The following SIPA1L1 variants were observed in gnomAD, a reference collection of about 807,000 sequenced individuals.
SIPA1L1 encodes the protein signal induced proliferation associated 1 like 1, also known as signal-induced proliferation-associated 1-like protein 1.
A neutral mutation model predicts 162.7 loss-of-function variants in SIPA1L1; 26 were observed. The ratio of observed to expected loss-of-function variants is 0.16; its 90% confidence interval spans 0.12 to 0.22. SIPA1L1 has a LOEUF of 0.22. Among genes scored for constraint, SIPA1L1 ranks in the 10% least tolerant of loss-of-function variants. The probability of loss-of-function intolerance (pLI) is 1.00; values close to 1 mark genes in which losing one functional copy is unlikely to be tolerated. For synonymous variants in SIPA1L1, 829 were observed against 837.4 expected (o/e 0.99, Z 0.17); for missense variants, 1,874 against 2,241.0 (o/e 0.84, Z 3.31).
At chr14:71,332,961 A>G (rs1221460836) in intron 2 of SIPA1L1, among the ~76,000 whole-genome samples, 1 of 152,206 alleles carries the variant, frequency 6.6e-6, no homozygotes, top group Non-Finnish European at 1.5e-5. Flanking sequence ...AATTTAGAGT[A>G]TTTGTTTTTA....
At chr14:71,650,745 G>A (rs1278574143) in intron 8 of SIPA1L1, among the ~76,000 whole-genome samples, 1 of 152,128 alleles carries the variant, frequency 6.6e-6, no homozygotes, top group African/African-American at 2.4e-5. Flanking sequence ...ATGGAGTGGG[G>A]CAGTGACACA....
chr14:71,541,812 T>G (rs2054410429), intron 4 of SIPA1L1, among the ~76,000 whole-genome samples: 1 of 152,138 alleles, frequency 6.6e-6, no homozygotes, highest in Non-Finnish European at 1.5e-5. Context: ...GTTGACACAA[T>G]GCATACATCA....
intron 2 of SIPA1L1, among the ~76,000 whole-genome samples, chr14:71,450,713 T>G (rs933098403): frequency 4.6e-5 from 7 of 151,352 alleles, no homozygotes; most frequent in Non-Finnish European, 8.9e-5. Flanking sequence ...TATTAAAACC[T>G]GTTAGAATGG....
chr14:71,372,850 T>G (rs2141038011), intron 2 of SIPA1L1, among the ~76,000 whole-genome samples: 1 of 152,318 alleles, frequency 6.6e-6, no homozygotes, highest in South Asian at 2.1e-4. Flanking sequence ...AGTGAGAAAT[T>G]GCTCCAGAGG....
chr14:71,733,366 C>G (rs1039000866), intron 20 of SIPA1L1, among the ~76,000 whole-genome samples: 1 of 152,132 alleles, frequency 6.6e-6, no homozygotes, highest in African/African-American at 2.4e-5. Context: ...CTGCCTAGGC[C>G]CTGCTGTGGA....
At chr14:71,348,967 G>A (rs865798353) in intron 2 of SIPA1L1, among the ~76,000 whole-genome samples, 1 of 152,202 alleles carries the variant, frequency 6.6e-6, no homozygotes, top group African/African-American at 2.4e-5. Flanking sequence ...GGTGAGAGAA[G>A]CTCTTACAGG....
At chr14:71,550,480 AGT>A (rs1414210873) in intron 4 of SIPA1L1, among the ~76,000 whole-genome samples, 20 of 152,288 alleles carry the variant, frequency 1.3e-4, no homozygotes, top group Middle Eastern at 3.4e-3. Flanking sequence ...AGATCTGGAA[AGT>A]GAGAGTCAAA....
intron 19 of SIPA1L1, among the ~76,000 whole-genome samples, chr14:71,729,041 T>C (rs1300771789): frequency 1.3e-5 from 2 of 152,188 alleles, no homozygotes; most frequent in African/African-American, 2.4e-5. Context: ...TCCCTATTCT[T>C]TCTTTATTTT....
chr14:71,533,335 A>G (rs1459343347), intron 4 of SIPA1L1, among the ~76,000 whole-genome samples: 1 of 152,196 alleles, frequency 6.6e-6, no homozygotes, highest in Admixed American at 6.5e-5. Flanking sequence ...CTTTTCCTAG[A>G]GTACCCTTTT....
At chr14:71,538,677 G>A (rs11629264) in intron 4 of SIPA1L1, among the ~76,000 whole-genome samples, 20,990 of 151,460 alleles carry the variant, frequency 0.14, 1,578 homozygotes, top group East Asian at 0.27. Context: ...GATACAAGAC[G>A]GCAAAGTAGT....
chr14:71,632,859 C>G (rs2040720641), intron 7 of SIPA1L1, among the ~76,000 whole-genome samples: 1 of 152,052 alleles, frequency 6.6e-6, no homozygotes, highest in Admixed American at 6.6e-5. Flanking sequence ...TTTTCCATAC[C>G]AGAATGGTAA....
At chr14:71,707,546 A>G (rs890268376) in intron 16 of SIPA1L1, among the ~76,000 whole-genome samples, 5 of 152,224 alleles carry the variant, frequency 3.3e-5, no homozygotes, top group African/African-American at 1.2e-4. Flanking sequence ...CATACAAATG[A>G]AATTATACAA....
chr14:71,529,763 C>T (rs1395914094), intron 4 of SIPA1L1, among the ~76,000 whole-genome samples: 2 of 152,232 alleles, frequency 1.3e-5, no homozygotes, highest in African/African-American at 4.8e-5. Flanking sequence ...CTGGCTACAT[C>T]AGTGAGTGCT....
intron 2 of SIPA1L1, among the ~76,000 whole-genome samples, chr14:71,395,193 T>C (rs1470382399): frequency 6.6e-6 from 1 of 152,194 alleles, no homozygotes; most frequent in South Asian, 2.1e-4. Flanking sequence ...GAGAAAAATA[T>C]GCGTAATTTT....
chr14:71,737,536 G>A (rs1054441255), intron 22 of SIPA1L1, among the ~76,000 whole-genome samples: 4 of 152,052 alleles, frequency 2.6e-5, no homozygotes, highest in South Asian at 4.2e-4. Context: ...CAGCCATGCC[G>A]TCTGTCTAGC....
chr14:71,329,245 T>C (rs1317412240), intron 2 of SIPA1L1, among the ~76,000 whole-genome samples: 1 of 152,216 alleles, frequency 6.6e-6, no homozygotes, highest in Non-Finnish European at 1.5e-5. Context: ...AAGATCCTGC[T>C]TTTAATTATT....
intron 4 of SIPA1L1, among the ~76,000 whole-genome samples, chr14:71,542,354 C>T (rs570289492): frequency 2.8e-5 from 3 of 108,480 alleles, no homozygotes; most frequent in South Asian, 7.1e-4. Context: ...CTTCTTTCCT[C>T]TTTCTTCTTC....
At chr14:71,467,510 C>T (rs1354942622) in intron 2 of SIPA1L1, among the ~76,000 whole-genome samples, 1 of 152,050 alleles carries the variant, frequency 6.6e-6, no homozygotes, top group Admixed American at 6.6e-5. Context: ...ATGTAGAAGC[C>T]TATTAAAATC....
intron 16 of SIPA1L1, among the ~76,000 whole-genome samples, chr14:71,706,109 G>A (rs1015159373): frequency 6.6e-6 from 1 of 152,106 alleles, no homozygotes; most frequent in African/African-American, 2.4e-5. Flanking sequence ...AATGAGAGAT[G>A]CATGTAAGTT....
Sources: gnomAD v4.1 joint callset for allele counts (sites outside exome capture counted in the v4.1 genomes callset) on GRCh38, gnomAD v4.1.1 for gene constraint, MANE v1.5 for transcripts, NCBI Gene and HGNC (gene_info 2026-07-23, HGNC 2026-07-21) for gene names.